ARHGAP22: variants seen among roughly 807,000 people sequenced by gnomAD.
The protein encoded by ARHGAP22 is rho GTPase-activating protein 22.
ARHGAP22 carries 48 observed loss-of-function variants against 59.1 expected under a neutral mutation model. The observed-to-expected ratio is 0.81, with a 90% CI of 0.64 to 1.03. ARHGAP22 has a LOEUF of 1.03. Among genes scored for constraint, ARHGAP22 ranks in the 50% least tolerant of loss-of-function variants. The probability of loss-of-function intolerance (pLI) is 0.00; values close to 1 mark genes in which losing one functional copy is unlikely to be tolerated. For synonymous variants in ARHGAP22, 445 were observed against 416.4 expected (o/e 1.07, Z -0.84); for missense variants, 1,015 against 958.7 (o/e 1.06, Z -0.78).
At chr10:48,475,312 G>A (rs945826939) in intron 4 of ARHGAP22, among the ~76,000 whole-genome samples, 2 of 152,020 alleles carry the variant, frequency 1.3e-5, no homozygotes, top group Non-Finnish European at 1.5e-5. Flanking sequence ...CCCTCCACTC[G>A]CTCTGTGCTG....
At chr10:48,562,233 A>AAG in intron 2 of ARHGAP22, among the ~76,000 whole-genome samples, 1 of 151,642 alleles carries the variant, frequency 6.6e-6, no homozygotes, top group Admixed American at 6.6e-5. Flanking sequence ...CTCAAAAAAA[A>AAG]AAAAGAAAAA....
chr10:48,521,748 T>G (rs1437668538), intron 3 of ARHGAP22, among the ~76,000 whole-genome samples: 1 of 152,218 alleles, frequency 6.6e-6, no homozygotes. Context: ...AACAGTTTAA[T>G]GTCCAAAGCA....
intron 2 of ARHGAP22, among the ~76,000 whole-genome samples, chr10:48,556,050 C>G (rs1294876641): frequency 6.6e-6 from 1 of 152,154 alleles, no homozygotes; most frequent in African/African-American, 2.4e-5. Flanking sequence ...GTACATGGTA[C>G]CCCACTACAG....
chr10:48,474,444 T>C (rs563379975), intron 4 of ARHGAP22, among the ~76,000 whole-genome samples: 2 of 152,352 alleles, frequency 1.3e-5, no homozygotes, highest in East Asian at 1.9e-4. Flanking sequence ...TCTTGCATAA[T>C]TGACCTGGCT....
chr10:48,509,262 A>T (rs935273), intron 3 of ARHGAP22, among the ~76,000 whole-genome samples: 32,087 of 151,660 alleles, frequency 0.21, 5,578 homozygotes, highest in East Asian at 0.58. Context: ...AGCGTGGGGG[A>T]CCAGAGTCTC....
chr10:48,542,235 C>T (rs2056024861), intron 3 of ARHGAP22, among the ~76,000 whole-genome samples: 1 of 146,150 alleles, frequency 6.8e-6, no homozygotes, highest in Non-Finnish European at 1.5e-5. Context: ...TGGAGCCCAG[C>T]AGGTCAGAAC....
Position 48,450,824 on chromosome 10 carries a change from C to T in ARHGAP22, c.1305G>A (p.Pro435=), listed in dbSNP as rs773574521. 4 of 1,586,452 alleles carry T rather than the reference C, an allele frequency of 2.5e-6. No individual in the cohort carries two copies. Among genetic ancestry groups the T allele is most frequent in the Admixed American group, 3.5e-5 (2 of 57,442 alleles). The change falls in exon 9 of 10, where the codon CCG becomes CCA. Residue 435 remains proline, a synonymous_variant. Transcript: ENST00000249601. ...CCTTCGGGCTTCCCGATAGGGACCT[C>T]GGCTGCCGGAAGGAGGACTTCCAAC... is the stretch of plus-strand genomic sequence containing the variant. ...LPSWKSSFRQ[P]RSLSGSPKGG... is the part of the protein sequence containing the mutation.
intron 3 of ARHGAP22, among the ~76,000 whole-genome samples, chr10:48,492,498 C>A (rs1284642427): frequency 1.3e-5 from 2 of 152,086 alleles, no homozygotes; most frequent in Non-Finnish European, 2.9e-5. Flanking sequence ...AGCAGCTACA[C>A]TCAAAAAGTA....
intron 7 of ARHGAP22, among the ~76,000 whole-genome samples, chr10:48,453,645 G>A (rs1158819195): frequency 1.3e-5 from 2 of 152,228 alleles, no homozygotes; most frequent in African/African-American, 4.8e-5. Context: ...AGGGCCCACC[G>A]CTATTTGTGT....
chr10:48,576,667 T>C (rs1262566077), intron 2 of ARHGAP22, among the ~76,000 whole-genome samples: 1 of 152,242 alleles, frequency 6.6e-6, no homozygotes, highest in Non-Finnish European at 1.5e-5. Context: ...AATCAAGAGT[T>C]CTACACGGCT....
At chr10:48,487,781 C>G (rs919105927) in intron 3 of ARHGAP22, among the ~76,000 whole-genome samples, 3 of 152,172 alleles carry the variant, frequency 2.0e-5, no homozygotes, top group African/African-American at 7.2e-5. Context: ...TGTCACAGGC[C>G]AGGCACCAGG....
intron 4 of ARHGAP22, among the ~76,000 whole-genome samples, chr10:48,461,047 G>C (rs888923588): frequency 5.3e-5 from 8 of 152,158 alleles, no homozygotes; most frequent in Non-Finnish European, 1.0e-4. Context: ...AAGTGTTCTG[G>C]AGATGGATAG....
chr10:48,523,985 C>T, intron 3 of ARHGAP22: 1 of 1,403,054 alleles, frequency 7.1e-7, no homozygotes, highest in Non-Finnish European at 9.3e-7. Flanking sequence ...TGGCGAGTCC[C>T]CGAGGCGGGG....
At chr10:48,523,970 C>T (rs1428913580) in intron 3 of ARHGAP22, 3 of 1,326,248 alleles carry the variant, frequency 2.3e-6, no homozygotes, top group African/African-American at 1.5e-5. Flanking sequence ...GCCCTGGACA[C>T]CCCGTGGCGA....
chr10:48,451,067 CG>C lies in ARHGAP22; in HGVS notation c.1061del (p.Pro354ArgfsTer109). The C allele has an allele frequency of 1.3e-6, 2 of 1,552,406 alleles. No homozygotes were observed. Among genetic ancestry groups the C allele is most frequent in the Non-Finnish European group, 1.7e-6 (2 of 1,147,862 alleles). The part of the protein sequence containing the change: ...KHSQLFTAPV[P>X]EGPTSPRGGL... ...CCCCGCGCGGGGAGGTGGGCCCTTC[CG>C]GGACCGGTGCCGTGAAGAGCTGGCT... On this transcript the variant is annotated frameshift_variant, in exon 9 of 10. Coordinates refer to ENST00000249601, the MANE Select transcript of ARHGAP22 (RefSeq NM_021226.4). LOFTEE classifies it high-confidence loss of function.
At chr10:48,611,659 A>G (rs2060888755) in intron 1 of ARHGAP22, among the ~76,000 whole-genome samples, 1 of 152,090 alleles carries the variant, frequency 6.6e-6, no homozygotes, top group Admixed American at 6.5e-5. Flanking sequence ...GAACAGATAG[A>G]AAGAGTGGAA....
intron 1 of ARHGAP22, among the ~76,000 whole-genome samples, chr10:48,584,738 T>C (rs1188337496): frequency 1.3e-5 from 2 of 152,218 alleles, no homozygotes; most frequent in Non-Finnish European, 2.9e-5. Flanking sequence ...CTCACGCCTG[T>C]AATCCCAGCA....
chr10:48,460,376 C>T (rs973726608), intron 4 of ARHGAP22, among the ~76,000 whole-genome samples: 5 of 152,164 alleles, frequency 3.3e-5, no homozygotes, highest in South Asian at 2.1e-4. Context: ...AAACCATAGT[C>T]GTGACTCAGC....
chr10:48,611,764 C>A (rs1276945099), intron 1 of ARHGAP22, among the ~76,000 whole-genome samples: 1 of 151,402 alleles, frequency 6.6e-6, no homozygotes, highest in Non-Finnish European at 1.5e-5. Flanking sequence ...ACCCTCGATC[C>A]CTCCTGTAAC....
Sources: gnomAD v4.1 joint callset for allele counts (sites outside exome capture counted in the v4.1 genomes callset) on GRCh38, gnomAD v4.1.1 for gene constraint, MANE v1.5 for transcripts, NCBI Gene and HGNC (gene_info 2026-07-23, HGNC 2026-07-21) for gene names.